Variants in STAB2 observed in about 807,000 individuals in gnomAD.
STAB2 encodes the protein stabilin 2, also known as stabilin-2.
STAB2 carries 288 observed loss-of-function variants against 338.1 expected under a neutral mutation model. The ratio of observed to expected loss-of-function variants is 0.85; its 90% CI spans 0.77 to 0.94. The LOEUF (loss-of-function observed/expected upper bound fraction) is 0.94. STAB2 is among the 40% of genes least tolerant of loss of function. The probability of loss-of-function intolerance (pLI) is 0.00; values close to 1 mark genes in which losing one functional copy is unlikely to be tolerated. For synonymous variants in STAB2, 1,202 were observed against 1,193.3 expected (o/e 1.01, Z -0.15); for missense variants, 3,141 against 3,210.1 (o/e 0.98, Z 0.52).
intron 44 of STAB2, among the ~76,000 whole-genome samples, chr12:103,721,916 AT>A (rs59427137): frequency 0.12 from 18,937 of 152,118 alleles, 2,301 homozygotes; most frequent in African/African-American, 0.32. Context: ...CACTATCTAG[AT>A]TTTTTGTTGA....
At chr12:103,617,993 C>T (rs1957237184) in intron 3 of STAB2, among the ~76,000 whole-genome samples, 1 of 152,220 alleles carries the variant, frequency 6.6e-6, no homozygotes, top group African/African-American at 2.4e-5. Flanking sequence ...TGACTCCCAC[C>T]TCCATAGTAC....
At chr12:103,713,557 G>A (rs971661154) in intron 41 of STAB2, 86 bp from the exon 42 acceptor site, 2 of 1,573,504 alleles carry the variant, frequency 1.3e-6, no homozygotes, top group Admixed American at 1.7e-5. Context: ...TTTGCAGTAT[G>A]TTCCATTTCT....
chr12:103,597,757 G>A (rs866388926), intron 3 of STAB2, among the ~76,000 whole-genome samples: 66 of 151,866 alleles, frequency 4.3e-4, no homozygotes, highest in Admixed American at 3.2e-3. Context: ...GGATGAAATC[G>A]ATTTTTTAAT....
chr12:103,727,276 G>C lies in STAB2; in HGVS notation c.4861G>C (p.Val1621Leu). Residue 1621 changes from valine to leucine, a missense_variant, in exon 47 of 69, where the codon GTG becomes CTG. Transcript: ENST00000388887. ...ACCTTTCTTCCCACAGGAGCATTTCGTGAAAGATCTGGTCGGCCCAGGCCC... is the reference window on the plus strand; with the variant it reads ...ACCTTTCTTCCCACAGGAGCATTTCCTGAAAGATCTGGTCGGCCCAGGCCC... ...QYFFQLQEHF[V>L]KDLVGPGPFT... 2 of 1,614,224 alleles carry C rather than the reference G, an allele frequency of 1.2e-6. No homozygotes were observed. Among genetic ancestry groups the C allele is most frequent in the Non-Finnish European group, 1.7e-6 (2 of 1,180,030 alleles).
intron 47 of STAB2, among the ~76,000 whole-genome samples, chr12:103,728,184 C>T (rs750884873): frequency 1.3e-5 from 2 of 152,168 alleles, no homozygotes; most frequent in Non-Finnish European, 2.9e-5. Flanking sequence ...CAGGGTCTTG[C>T]TCTGTCACCC....
At chr12:103,635,732 C>T (rs1957534814) in intron 6 of STAB2, among the ~76,000 whole-genome samples, 1 of 152,258 alleles carries the variant, frequency 6.6e-6, no homozygotes, top group African/African-American at 2.4e-5. Flanking sequence ...CAGAGGTGCA[C>T]TGCATGACAG....
chr12:103,726,351 G>C (rs955101038), intron 46 of STAB2, among the ~76,000 whole-genome samples, 188 bp downstream of exon 46: 1 of 152,188 alleles, frequency 6.6e-6, no homozygotes, highest in Admixed American at 6.5e-5. Context: ...GATTAGCTGG[G>C]CATGGTGGCG....
chr12:103,763,258 T>G (rs1593360412), intron 67 of STAB2: 1 of 520,084 alleles, frequency 1.9e-6, no homozygotes, highest in Admixed American at 3.2e-5. Context: ...GGTATGGAAA[T>G]GCCCTATGTG....
chr12:103,595,424 A>C (rs1956860561), intron 3 of STAB2, among the ~76,000 whole-genome samples: 2 of 152,194 alleles, frequency 1.3e-5, no homozygotes, highest in Admixed American at 1.3e-4. Flanking sequence ...AGAAAGAAAA[A>C]ATATCAATTT....
intron 3 of STAB2, among the ~76,000 whole-genome samples, chr12:103,602,002 T>G (rs1956961034): frequency 6.6e-6 from 1 of 152,186 alleles, no homozygotes; most frequent in Non-Finnish European, 1.5e-5. Flanking sequence ...ACAGTAAAAC[T>G]CAACCTTTTA....
chr12:103,736,554 T>G (rs1354961210), intron 52 of STAB2, among the ~76,000 whole-genome samples: 2 of 152,156 alleles, frequency 1.3e-5, no homozygotes, highest in Non-Finnish European at 2.9e-5. Context: ...AATAGACAAC[T>G]ATCAGAGAAG....
At chr12:103,764,689 T>G (rs1307070897) in intron 68 of STAB2, among the ~76,000 whole-genome samples, 1 of 152,232 alleles carries the variant, frequency 6.6e-6, no homozygotes, top group African/African-American at 2.4e-5. Context: ...TATCTTGTGG[T>G]TCTTCATGCC....
intron 39 of STAB2, among the ~76,000 whole-genome samples, chr12:103,709,845 G>A (rs549982763): frequency 6.6e-6 from 1 of 152,252 alleles, no homozygotes; most frequent in East Asian, 1.9e-4. Context: ...GACATTTTCG[G>A]TGAATCCCCA....
rs937072191 is a variant in STAB2, at chr12:103,670,880, G to T, written c.2371+73G>T. 7 of 1,279,606 alleles carry T rather than the reference G, an allele frequency of 5.5e-6. No individual in the cohort carries two copies. In the African/African-American group the frequency reaches 8.9e-5, roughly 16 times the overall value. The allele number at this position is 1,279,606 out of a possible 1,614,324, so 79.3% of individuals were successfully genotyped here. On this transcript the variant is annotated intron_variant, in intron 22 of 68. Transcript: ENST00000388887. Reference sequence around the variant, plus strand: ...TCTCGTGCTGCAGCAGGGTGCTGGTGCAGGGCTGGTGTCTCAGGACCCCTT... The same window carrying T: ...TCTCGTGCTGCAGCAGGGTGCTGGTTCAGGGCTGGTGTCTCAGGACCCCTT...
Position 103,622,205 on chromosome 12 carries a change from T to C in STAB2, c.487+94T>C, listed in dbSNP as rs192347416. 2.3e-4 allele frequency: 308 copies of C among 1,336,746 alleles called. No individual in the cohort carries two copies. The African/African-American group carries it at 3.6e-3, about 16-fold the overall frequency. 82.8% of individuals were successfully genotyped at this position (1,336,746 alleles called of 1,614,324 possible). A position where few individuals can be genotyped will look rare whatever the true frequency, so the allele number is the denominator to read the frequency against. On this transcript the variant is annotated intron_variant, in intron 5 of 68. Coordinates refer to ENST00000388887, the MANE Select transcript of STAB2 (RefSeq NM_017564.10). ...GAGGAGAAAACACTGAATAGTTATG[T>C]GTGATAAAAAAGAAATTTCAGCAGA...
At chr12:103,598,632 TAC>T (rs1956911401) in intron 3 of STAB2, among the ~76,000 whole-genome samples, 1 of 152,186 alleles carries the variant, frequency 6.6e-6, no homozygotes, top group Non-Finnish European at 1.5e-5. Flanking sequence ...GGAAATAAAT[TAC>T]ACTTTTTCGT....
intron 19 of STAB2, among the ~76,000 whole-genome samples, chr12:103,667,448 G>T (rs1875222416): frequency 6.6e-6 from 1 of 152,202 alleles, no homozygotes. Flanking sequence ...AAACCACCTT[G>T]TACAAGGTCA....
chr12:103,620,444 C>T (rs1440096583), intron 3 of STAB2, 24 bp from the exon 4 acceptor site: 13 of 1,560,932 alleles, frequency 8.3e-6, no homozygotes, highest in Middle Eastern at 1.7e-4. Context: ...CGAATGAATA[C>T]ATCTGAGCTG....
chr12:103,654,743 T>C (rs1285455032), intron 13 of STAB2, 45 bp downstream of exon 13: 1 of 1,596,714 alleles, frequency 6.3e-7, no homozygotes, highest in African/African-American at 1.3e-5. Flanking sequence ...TCCATCTTCC[T>C]TTGTTCCCTG....
Sources: allele counts gnomAD v4.1 joint callset (sites outside exome capture counted in the v4.1 genomes callset), GRCh38; gene constraint gnomAD v4.1.1; transcripts MANE v1.5; gene names NCBI Gene and HGNC (gene_info 2026-07-23, HGNC 2026-07-21).